Variants in HIBADH observed in about 807,000 individuals in gnomAD.
The protein encoded by HIBADH is 3-hydroxyisobutyrate dehydrogenase.
Under a neutral mutation model 36.1 loss-of-function variants are expected in HIBADH, and 25 were observed. That is an observed-to-expected ratio of 0.69 (90% CI 0.50 to 0.97). The LOEUF is 0.97. Among genes scored for constraint, HIBADH ranks in the 50% least tolerant of loss-of-function variants. The probability of loss-of-function intolerance (pLI) is 0.00; values close to 1 mark genes in which losing one functional copy is unlikely to be tolerated. For synonymous variants in HIBADH, 160 were observed against 149.5 expected (o/e 1.07, Z -0.51); for missense variants, 421 against 418.0 (o/e 1.01, Z -0.06).
chr7:27,607,304 T>TC (rs1219353150), intron 4 of HIBADH, among the ~76,000 whole-genome samples: 14 of 152,146 alleles, frequency 9.2e-5, no homozygotes, highest in African/African-American at 3.4e-4. Context: ...GGTCAGGAGT[T>TC]CGAGGCCAGC....
intron 4 of HIBADH, among the ~76,000 whole-genome samples, chr7:27,614,075 T>A (rs1470398281): frequency 6.6e-6 from 1 of 152,200 alleles, no homozygotes; most frequent in Non-Finnish European, 1.5e-5. Context: ...GTGCCTAGAA[T>A]GCTGTTAGAG....
rs77862769 is a variant in HIBADH at position 27,659,915 on chromosome 7, A to C, written c.91+2783T>G. ...AAAAACATTTTTTTTTAAATTAGCTAGGTATCGTGGTGCACCCTGCAATCC... is the reference window on the plus strand; with the variant it reads ...AAAAACATTTTTTTTTAAATTAGCTCGGTATCGTGGTGCACCCTGCAATCC... On this transcript the variant is annotated intron_variant, in intron 1 of 7. Transcript: ENST00000265395. Among the ~76,000 whole-genome samples, 739 of 152,148 alleles carry C rather than the reference A, an allele frequency of 4.9e-3. 6 individuals carry two copies. The highest frequency in any genetic ancestry group is 0.017 in the African/African-American group (711 of 41,506).
At chr7:27,628,176 A>G (rs1264256244) in intron 4 of HIBADH, among the ~76,000 whole-genome samples, 2 of 152,102 alleles carry the variant, frequency 1.3e-5, no homozygotes, top group Non-Finnish European at 1.5e-5. Context: ...CCTATACCAC[A>G]TCATAAATTT....
At chr7:27,660,664 G>GAAAA (rs70974491) in intron 1 of HIBADH, among the ~76,000 whole-genome samples, 20 of 147,622 alleles carry the variant, frequency 1.4e-4, no homozygotes, top group African/African-American at 4.0e-4. Context: ...GACTCCGAGG[G>GAAAA]AAAAAAAAAA....
chr7:27,537,801 T>G (rs534091815), intron 6 of HIBADH, among the ~76,000 whole-genome samples: 34 of 151,878 alleles, frequency 2.2e-4, no homozygotes, highest in African/African-American at 8.0e-4. Context: ...ACAGGCAAAA[T>G]AAAATGAAAG....
At chr7:27,578,385 A>G (rs1055419748) in intron 4 of HIBADH, among the ~76,000 whole-genome samples, 4 of 151,524 alleles carry the variant, frequency 2.6e-5, no homozygotes, top group Non-Finnish European at 4.4e-5. Flanking sequence ...GCACGATCTC[A>G]GCTCACTGCA....
At chr7:27,580,756 G>A (rs189182416) in intron 4 of HIBADH, among the ~76,000 whole-genome samples, 59 of 152,290 alleles carry the variant, frequency 3.9e-4, no homozygotes, top group Admixed American at 7.2e-4. Context: ...TTGGTCTGTG[G>A]AGTTTACATT....
chr7:27,601,261 T>C (rs1300793168), intron 4 of HIBADH, among the ~76,000 whole-genome samples: 1 of 152,098 alleles, frequency 6.6e-6, no homozygotes, highest in Admixed American at 6.5e-5. Flanking sequence ...TGGAACAGAT[T>C]TCTTTTGATG....
intron 4 of HIBADH, among the ~76,000 whole-genome samples, chr7:27,574,597 TTATTGCTGCTCTAA>T (rs1440941313): frequency 1.3e-5 from 2 of 152,166 alleles, no homozygotes; most frequent in African/African-American, 4.8e-5. Context: ...CAAAACTTTA[TTATTGCTGCTCTAA>T]TAGAGAAAAA....
In HIBADH at chr7:27,548,542, C is replaced by A. The variant is rs181441855; in HGVS notation, c.485-5442G>T. 2.6e-5 allele frequency among the ~76,000 whole-genome samples: 4 copies of A among 152,244 alleles called. No homozygotes were observed. In the East Asian group the frequency reaches 7.7e-4, roughly 29 times the overall value. ...TCATCAGCAAATATTTATTCAGTGC[C>A]TTTAACAACTTGCTAGATCTCTGTG... On this transcript the variant is annotated intron_variant, in intron 4 of 7. Coordinates refer to ENST00000265395, the MANE Select transcript of HIBADH (RefSeq NM_152740.4).
chr7:27,637,973 C>G (rs1785872044), intron 2 of HIBADH, among the ~76,000 whole-genome samples: 1 of 152,158 alleles, frequency 6.6e-6, no homozygotes, highest in African/African-American at 2.4e-5. Flanking sequence ...TAGGAATAAT[C>G]AATTTTGTTA....
At chr7:27,570,768 G>T (rs1213533090) in intron 4 of HIBADH, among the ~76,000 whole-genome samples, 1 of 151,990 alleles carries the variant, frequency 6.6e-6, no homozygotes, top group African/African-American at 2.4e-5. Context: ...TATAGGTAAT[G>T]TGTCTTTTTT....
chr7:27,618,875 AAGC>A (rs1455193566), intron 4 of HIBADH, among the ~76,000 whole-genome samples: 1 of 152,098 alleles, frequency 6.6e-6, no homozygotes, highest in Admixed American at 6.5e-5. Context: ...ACTTTTAAAC[AAGC>A]AGGTCTCCTG....
intron 7 of HIBADH, among the ~76,000 whole-genome samples, chr7:27,530,691 C>T (rs1783982873): frequency 6.6e-6 from 1 of 152,046 alleles, no homozygotes; most frequent in Admixed American, 6.6e-5. Flanking sequence ...TGACAGTTTG[C>T]TTTTCCAATG....
At chr7:27,606,804 T>A (rs1785236011) in intron 4 of HIBADH, among the ~76,000 whole-genome samples, 1 of 152,262 alleles carries the variant, frequency 6.6e-6, no homozygotes, top group Non-Finnish European at 1.5e-5. Context: ...TTTAACAGGC[T>A]AAATAAATTT....
At chr7:27,631,337 T>C (rs1446520665) in intron 3 of HIBADH, among the ~76,000 whole-genome samples, 1 of 152,240 alleles carries the variant, frequency 6.6e-6, no homozygotes, top group Non-Finnish European at 1.5e-5. Flanking sequence ...TTATCAGTTT[T>C]CTGCCTAATA....
intron 2 of HIBADH, among the ~76,000 whole-genome samples, chr7:27,638,308 C>CAAAAATAAAAA (rs1785885375): frequency 1.8e-5 from 1 of 55,472 alleles, no homozygotes; most frequent in South Asian, 6.8e-4. Flanking sequence ...TTGGCAAAGT[C>CAAAAATAAAAA]AAAAAAAAAA....
chr7:27,627,526 T>C (rs925397129), intron 4 of HIBADH, among the ~76,000 whole-genome samples: 2 of 152,224 alleles, frequency 1.3e-5, no homozygotes, highest in African/African-American at 2.4e-5. Flanking sequence ...TCTGTTATCA[T>C]GCAACAAGCA....
intron 4 of HIBADH, among the ~76,000 whole-genome samples, chr7:27,596,639 T>C (rs1271910246): frequency 6.6e-6 from 1 of 152,210 alleles, no homozygotes; most frequent in African/African-American, 2.4e-5. Context: ...AAATAAAATA[T>C]TTTGTAGTAA....
Sources: allele counts gnomAD v4.1 joint callset (sites outside exome capture counted in the v4.1 genomes callset), GRCh38; gene constraint gnomAD v4.1.1; transcripts MANE v1.5; gene names NCBI Gene and HGNC (gene_info 2026-07-23, HGNC 2026-07-21).